Variants in SLC26A8 observed in about 807,000 individuals in gnomAD.
The protein encoded by SLC26A8 is testis anion transporter 1.
A neutral mutation model predicts 105.0 loss-of-function variants in SLC26A8; 70 were observed. The observed-to-expected ratio is 0.67, with a 90% confidence interval of 0.55 to 0.81. The LOEUF (loss-of-function observed/expected upper bound fraction) is 0.81. SLC26A8 is among the 40% of genes least tolerant of loss of function. SLC26A8 has a pLI of 0.00. For synonymous variants in SLC26A8, 415 were observed against 438.3 expected (o/e 0.95, Z 0.66); for missense variants, 998 against 1,181.8 (o/e 0.84, Z 2.28).
chr6:35,995,546 G>A (rs1464543485), intron 5 of SLC26A8, among the ~76,000 whole-genome samples: 1 of 152,130 alleles, frequency 6.6e-6, no homozygotes, highest in Non-Finnish European at 1.5e-5. Flanking sequence ...CCCTAAAACT[G>A]AATCCCAGTT....
chr6:36,013,215 T>TTTTG (rs768240711), intron 2 of SLC26A8, among the ~76,000 whole-genome samples: 1 of 148,072 alleles, frequency 6.8e-6, no homozygotes, highest in Non-Finnish European at 1.5e-5. Context: ...TTTTTTTTTT[T>TTTTG]AGATGGAGTC....
At chr6:35,960,950 C>T in intron 13 of SLC26A8, 38 bp from the exon 14 acceptor site, 1 of 1,613,958 alleles carries the variant, frequency 6.2e-7, no homozygotes, top group Non-Finnish European at 8.5e-7. Flanking sequence ...TCAGAGTTGG[C>T]TTACCTTGCC....
chr6:35,995,128 T>C (rs979708019), intron 5 of SLC26A8, among the ~76,000 whole-genome samples: 1 of 152,194 alleles, frequency 6.6e-6, no homozygotes, highest in Non-Finnish European at 1.5e-5. Flanking sequence ...GATGTGAAAA[T>C]AGTGACAAAT....
chr6:35,955,696 G>A (rs537036043), intron 16 of SLC26A8, among the ~76,000 whole-genome samples, 176 bp from the exon 17 acceptor site: 177 of 152,108 alleles, frequency 1.2e-3, no homozygotes, highest in Non-Finnish European at 1.9e-3. Flanking sequence ...GCTCACAACT[G>A]AAGCCCCCAC....
chr6:35,979,248 T>C (rs945053600), intron 8 of SLC26A8, among the ~76,000 whole-genome samples: 7 of 151,852 alleles, frequency 4.6e-5, no homozygotes, highest in African/African-American at 1.7e-4. Flanking sequence ...GAGGCCGAGG[T>C]GGGCAGATCA....
chr6:35,967,440 T>C (rs1252248494), intron 11 of SLC26A8, among the ~76,000 whole-genome samples: 1 of 152,202 alleles, frequency 6.6e-6, no homozygotes, highest in African/African-American at 2.4e-5. Flanking sequence ...TCACTGAGTA[T>C]AGACCTACTG....
chr6:35,997,431 C>T (rs1047830866), intron 5 of SLC26A8, among the ~76,000 whole-genome samples: 5 of 152,222 alleles, frequency 3.3e-5, no homozygotes, highest in African/African-American at 1.2e-4. Context: ...GCAACTGGTC[C>T]CCGGTTTCAA....
chr6:36,021,260 T>A (rs1228878366), intron 1 of SLC26A8, among the ~76,000 whole-genome samples: 1 of 152,080 alleles, frequency 6.6e-6, no homozygotes, highest in African/African-American at 2.4e-5. Flanking sequence ...CTTAAGATAA[T>A]TAGTGCCTCA....
chr6:36,013,800 G>A (rs751864977), intron 2 of SLC26A8, among the ~76,000 whole-genome samples: 1 of 152,160 alleles, frequency 6.6e-6, no homozygotes, highest in Non-Finnish European at 1.5e-5. Flanking sequence ...TAACTTTAAC[G>A]TAGTCAGGGC....
In SLC26A8 at chr6:35,979,519, G is replaced by A. The variant is rs55864446; in HGVS notation, c.1026-2168C>T. ...ATTTATAACTGACAAGCTCCTTTGC[G>A]TTTTCCAGGTAATGAGCTAAGTAGA... is the stretch of plus-strand genomic sequence containing the variant. On this transcript the variant is annotated intron_variant, in intron 8 of 19. Coordinates refer to ENST00000490799, the MANE Select transcript of SLC26A8 (RefSeq NM_052961.4). Among the ~76,000 whole-genome samples the A allele has an allele frequency of 2.5e-3, 378 of 152,158 alleles. 2 individuals are homozygous for A. The highest frequency in any genetic ancestry group is 4.4e-3 in the Non-Finnish European group (300 of 68,000).
chr6:35,982,340 G>GGA (rs1291637250), intron 7 of SLC26A8, 137 bp from the exon 8 acceptor site: 5 of 739,594 alleles, frequency 6.8e-6, no homozygotes, highest in Non-Finnish European at 1.1e-5. Flanking sequence ...CATGCAAGTT[G>GGA]GAGAGAGAGG....
intron 3 of SLC26A8, among the ~76,000 whole-genome samples, chr6:36,002,292 C>T (rs1761545509): frequency 6.6e-6 from 1 of 152,168 alleles, no homozygotes; most frequent in Non-Finnish European, 1.5e-5. Flanking sequence ...GGTATCCTGT[C>T]TTTGTTTCCA....
chr6:35,946,161 A>C (rs1771650773), intron 19 of SLC26A8, among the ~76,000 whole-genome samples: 1 of 152,070 alleles, frequency 6.6e-6, no homozygotes. Context: ...CCTTCCCCTG[A>C]TCTGCAGGTT....
At chr6:36,004,074 C>CTTTTTTTTT (rs1184419646) in intron 3 of SLC26A8, among the ~76,000 whole-genome samples, 1 of 114,424 alleles carries the variant, frequency 8.7e-6, no homozygotes, top group African/African-American at 3.3e-5. Context: ...TTTATTTCTG[C>CTTTTTTTTT]TTTTTTTTTT....
intron 8 of SLC26A8, 53 bp from the exon 9 acceptor site, chr6:35,977,404 C>A: frequency 1.3e-6 from 2 of 1,552,212 alleles, no homozygotes; most frequent in Admixed American, 1.8e-5. Context: ...TTTCTTGGTA[C>A]CTCCGCCACT....
intron 5 of SLC26A8, among the ~76,000 whole-genome samples, chr6:35,994,810 C>T (rs1012217022): frequency 3.9e-5 from 6 of 152,164 alleles, no homozygotes; most frequent in Admixed American, 1.3e-4. Flanking sequence ...CTCCTGACCT[C>T]AAGTGATCCA....
At chr6:36,014,608 G>A (rs1259204436) in intron 2 of SLC26A8, among the ~76,000 whole-genome samples, 2 of 152,160 alleles carry the variant, frequency 1.3e-5, no homozygotes, top group African/African-American at 2.4e-5. Context: ...ATGGCCAGGT[G>A]CGGTGGCTCA....
intron 8 of SLC26A8, among the ~76,000 whole-genome samples, chr6:35,980,350 TG>T (rs916663574): frequency 1.3e-5 from 2 of 152,200 alleles, no homozygotes; most frequent in African/African-American, 4.8e-5. Context: ...TTATAGACTT[TG>T]GAATTAAGGA....
At chr6:36,018,984 T>C (rs187669938) in intron 2 of SLC26A8, among the ~76,000 whole-genome samples, 6 of 152,296 alleles carry the variant, frequency 3.9e-5, no homozygotes, top group African/African-American at 1.4e-4. Flanking sequence ...TAGAGTGTAG[T>C]GGCACAATCT....
Sources: gnomAD v4.1 joint callset for allele counts (sites outside exome capture counted in the v4.1 genomes callset) on GRCh38, gnomAD v4.1.1 for gene constraint, MANE v1.5 for transcripts, NCBI Gene and HGNC (gene_info 2026-07-23, HGNC 2026-07-21) for gene names.